NLGN4X: variants seen among roughly 807,000 people sequenced by gnomAD.
NLGN4X encodes neuroligin-4, X-linked.
A neutral mutation model predicts 40.3 loss-of-function variants in NLGN4X; 3 were observed. The ratio of observed to expected loss-of-function variants is 0.07; its 90% confidence interval spans 0.03 to 0.19. NLGN4X has a LOEUF of 0.19. Ranked by LOEUF, NLGN4X falls within the 10% of genes least tolerant of loss-of-function variation. The probability of loss-of-function intolerance (pLI) is 1.00; values close to 1 mark genes in which losing one functional copy is unlikely to be tolerated. For synonymous variants in NLGN4X, 270 were observed against 306.8 expected (o/e 0.88, Z 1.25); for missense variants, 382 against 708.3 (o/e 0.54, Z 5.23).
At chrX:6,130,983 C>T (rs1283802680) in intron 2 of NLGN4X, among the ~76,000 whole-genome samples, 1 of 111,670 alleles carries the variant, frequency 9.0e-6, no homozygotes, top group East Asian at 2.8e-4. Context: ...TTCCTAATGG[C>T]TACAGCAAAA....
intron 1 of NLGN4X, among the ~76,000 whole-genome samples, chrX:6,197,884 C>T (rs772870775): frequency 4.6e-5 from 5 of 108,737 alleles, no homozygotes; most frequent in Non-Finnish European, 7.6e-5. Context: ...GGCAACATGG[C>T]GAAACTCTGT....
intron 2 of NLGN4X, among the ~76,000 whole-genome samples, chrX:6,034,997 G>A (rs766425981): frequency 2.7e-4 from 30 of 111,877 alleles, no homozygotes; most frequent in Non-Finnish European, 4.9e-4. Flanking sequence ...ATGAGCCACT[G>A]CACCTGGCCT....
intron 3 of NLGN4X, among the ~76,000 whole-genome samples, chrX:5,923,769 C>A (rs1265111002): frequency 9.0e-6 from 1 of 111,620 alleles, no homozygotes; most frequent in East Asian, 2.8e-4. Flanking sequence ...ACCATGTCAG[C>A]CACCATGCCA....
At chrX:6,181,548 C>A (rs1921452272) in intron 1 of NLGN4X, among the ~76,000 whole-genome samples, 1 of 111,550 alleles carries the variant, frequency 9.0e-6, no homozygotes, top group Non-Finnish European at 1.9e-5. Flanking sequence ...TAAGGGGCTG[C>A]ATCTGATGAG....
At chrX:6,133,330 T>C (rs774606181) in intron 2 of NLGN4X, among the ~76,000 whole-genome samples, 4 of 111,565 alleles carry the variant, frequency 3.6e-5, no homozygotes, top group East Asian at 2.8e-4. Flanking sequence ...TTTGTTTACA[T>C]TGATTTGATT....
At chrX:6,175,420 ATTCTT>A (rs950448403) in intron 1 of NLGN4X, among the ~76,000 whole-genome samples, 14 of 110,423 alleles carry the variant, frequency 1.3e-4, no homozygotes, top group African/African-American at 4.6e-4. Context: ...GTACTATTAC[ATTCTT>A]TTCTCCCACA....
intron 1 of NLGN4X, among the ~76,000 whole-genome samples, chrX:6,196,445 A>G (rs1193730830): frequency 4.8e-5 from 5 of 103,739 alleles, no homozygotes; most frequent in Admixed American, 1.1e-4. Context: ...TCAGCTACTC[A>G]GGAGGCTGAG....
chrX:5,952,807 C>A (rs1321309630), intron 3 of NLGN4X, among the ~76,000 whole-genome samples: 2 of 110,537 alleles, frequency 1.8e-5, no homozygotes, highest in African/African-American at 6.6e-5. Context: ...GCTTTGGGGG[C>A]CCTCAGGTTT....
At chrX:6,182,171 T>C (rs1254354794) in intron 1 of NLGN4X, among the ~76,000 whole-genome samples, 3 of 111,710 alleles carry the variant, frequency 2.7e-5, no homozygotes, top group African/African-American at 9.8e-5. Context: ...TGAAATGGGA[T>C]AGAAAAGGGA....
intron 1 of NLGN4X, among the ~76,000 whole-genome samples, chrX:6,193,027 G>A (rs1350410903): frequency 9.0e-6 from 1 of 111,644 alleles, no homozygotes; most frequent in Non-Finnish European, 1.9e-5. Flanking sequence ...CGAGTCCAAC[G>A]GTGCAGTCCA....
intron 2 of NLGN4X, among the ~76,000 whole-genome samples, chrX:6,035,409 G>A (rs1270305842): frequency 9.0e-6 from 1 of 111,717 alleles, no homozygotes; most frequent in African/African-American, 3.3e-5. Flanking sequence ...CTTCTCCTGT[G>A]TTGCTGAAGT....
At chrX:6,186,521 T>C (rs1335817423) in intron 1 of NLGN4X, among the ~76,000 whole-genome samples, 3 of 111,982 alleles carry the variant, frequency 2.7e-5, no homozygotes, top group Non-Finnish European at 5.6e-5. Context: ...TTCTGAAATA[T>C]AGCCTCTTGA....
At chrX:6,110,722 T>C (rs1393898504) in intron 2 of NLGN4X, among the ~76,000 whole-genome samples, 3 of 111,716 alleles carry the variant, frequency 2.7e-5, no homozygotes, top group African/African-American at 6.5e-5. Flanking sequence ...GCACTTGTAA[T>C]ATCCACCCAA....
At chrX:5,975,450 A>C (rs2035144431) in intron 3 of NLGN4X, among the ~76,000 whole-genome samples, 1 of 109,566 alleles carries the variant, frequency 9.1e-6, no homozygotes, top group Non-Finnish European at 1.9e-5. Flanking sequence ...ATCTCTACTA[A>C]AAATACAAAA....
At chrX:5,963,676 T>C (rs1156756387) in intron 3 of NLGN4X, among the ~76,000 whole-genome samples, 1 of 111,969 alleles carries the variant, frequency 8.9e-6, no homozygotes, top group African/African-American at 3.2e-5. Context: ...CAATGACTGG[T>C]CCTTGGAAAA....
chrX:6,031,876 TA>T lies in NLGN4X; in HGVS notation c.473-2445del, dbSNP rs752736340. Among the ~76,000 whole-genome samples, 131 of 109,828 alleles carry T rather than the reference TA, an allele frequency of 1.2e-3. 1 individual carries two copies. In the East Asian group the frequency reaches 0.026, roughly 21 times the overall value. Reference sequence around the variant, plus strand: ...TGAGTACCTCAGACCTACCATCTTTTAAAAAAAAATCCTTTCACTTCTGGTA... The same window carrying T: ...TGAGTACCTCAGACCTACCATCTTTTAAAAAAAATCCTTTCACTTCTGGTA... On this transcript the variant is annotated intron_variant, in intron 2 of 5. Coordinates refer to ENST00000381095, the MANE Select transcript of NLGN4X (RefSeq NM_181332.3).
intron 1 of NLGN4X, among the ~76,000 whole-genome samples, chrX:6,166,452 T>C (rs980261701): frequency 9.0e-6 from 1 of 111,586 alleles, no homozygotes; most frequent in Non-Finnish European, 1.9e-5. Flanking sequence ...GATTTCCTTT[T>C]ATGCGTTATT....
At chrX:6,061,574 A>G (rs1268457649) in intron 2 of NLGN4X, 1 of 111,664 alleles carries the variant, frequency 9.0e-6, no homozygotes, top group African/African-American at 3.3e-5. Context: ...CAAAATTATT[A>G]CTTTTCTACT....
intron 1 of NLGN4X, among the ~76,000 whole-genome samples, chrX:6,224,977 CATATAT>C (rs34139921): frequency 0.17 from 9,004 of 52,175 alleles, 689 homozygotes; most frequent in South Asian, 0.32. Context: ...TTAAAATGGC[CATATAT>C]ATATATATAT....
Sources: allele counts gnomAD v4.1 joint callset (sites outside exome capture counted in the v4.1 genomes callset), GRCh38; gene constraint gnomAD v4.1.1; transcripts MANE v1.5; gene names NCBI Gene and HGNC (gene_info 2026-07-23, HGNC 2026-07-21).